CEP41: variants seen among roughly 807,000 people sequenced by gnomAD.
CEP41 encodes the protein centrosomal protein of 41 kDa.
CEP41 carries 32 observed loss-of-function variants against 44.3 expected under a neutral mutation model. The ratio of observed to expected loss-of-function variants is 0.72; its 90% CI spans 0.54 to 0.97. CEP41 has a LOEUF of 0.97. Among genes scored for constraint, CEP41 ranks in the 50% least tolerant of loss-of-function variants. The pLI, the probability that CEP41 is intolerant of heterozygous loss-of-function variation, is 0.00. For missense variants in CEP41, 432 were observed against 455.2 expected, an observed-to-expected ratio of 0.95 and a Z score of 0.46; for synonymous variants, 151 against 168.5, an observed-to-expected ratio of 0.90 and a Z score of 0.80.
intron 5 of CEP41, among the ~76,000 whole-genome samples, chr7:130,410,300 T>A (rs1471370842): frequency 6.6e-6 from 1 of 152,046 alleles, no homozygotes; most frequent in Non-Finnish European, 1.5e-5. Context: ...GTGCTGGGAT[T>A]ATGGGGGTGA....
In CEP41 at chr7:130,400,715, A is replaced by C; in HGVS notation, c.749T>G (p.Leu250Arg). The C allele has an allele frequency of 8.1e-6, 13 of 1,609,132 alleles. No homozygotes were observed. Among genetic ancestry groups the C allele is most frequent in the Non-Finnish European group, 9.4e-6 (11 of 1,176,126 alleles). The stretch of plus-strand genomic sequence containing the variant: ...AGTATCACCTTGCTCACCTCCGGAA[A>C]GCATGAAGAGGTTTTCAAATCCACG... ...CERGFENLFM[L>R]SGGLKVLAQK... Residue 250 changes from leucine (L) to arginine (R), a missense_variant, in exon 9 of 11, where the codon CTT becomes CGT. Physicochemically the swap from Leu to Arg is moderately radical, Grantham distance 102 (BLOSUM62 -2). Coordinates refer to ENST00000223208, the MANE Select transcript of CEP41 (RefSeq NM_018718.3).
upstream of CEP41, chr7:130,441,230 C>G: frequency 1.6e-6 from 1 of 619,212 alleles, no homozygotes; most frequent in East Asian, 3.0e-5. Flanking sequence ...CTCGCCGGCT[C>G]CAGCCTTAGG....
At chr7:130,440,623 T>C in intron 1 of CEP41, 1 of 558,852 alleles carries the variant, frequency 1.8e-6, no homozygotes, top group Non-Finnish European at 3.2e-6. Flanking sequence ...GTCTTTTCTG[T>C]TTTGTAACTG....
At chr7:130,440,678 T>C (rs1798122567) in intron 1 of CEP41, 2 of 601,804 alleles carry the variant, frequency 3.3e-6, no homozygotes, top group Non-Finnish European at 5.9e-6. Flanking sequence ...GCTGTGTCTT[T>C]GGGTACTTCG....
At chr7:130,434,356 T>A (rs12668161) in intron 1 of CEP41, among the ~76,000 whole-genome samples, 29,195 of 152,038 alleles carry the variant, frequency 0.19, 2,812 homozygotes, top group African/African-American at 0.21. Context: ...ATATTTTTTT[T>A]AAAATTGCTT....
rs1554415107 is a variant in CEP41, at chr7:130,397,328, T to C, written c.*1563A>G. The C allele has an allele frequency of 8.8e-6, 4 of 454,382 alleles. No homozygotes were observed. Among genetic ancestry groups the C allele is most frequent in the South Asian group, 3.1e-5 (2 of 64,474 alleles). The allele number at this position is 454,382 out of a possible 1,614,324, so 28.1% of individuals were successfully genotyped here. On this transcript the variant is annotated 3_prime_UTR_variant, in exon 11 of 11. Coordinates refer to ENST00000223208, the MANE Select transcript of CEP41 (RefSeq NM_018718.3). ...CATCTGAACAATGTCCCTGGTTTGT[T>C]TGATTTCTAAAGCATCGGAAAATGT...
intron 2 of CEP41, chr7:130,420,268 T>A (rs553243316): frequency 6.7e-6 from 1 of 148,156 alleles, no homozygotes; most frequent in African/African-American, 2.6e-5. Context: ...AAGGGGAGGT[T>A]GCAGTGAGCA....
At chr7:130,428,166 G>C (rs1797719029) in intron 1 of CEP41, 148 bp from the exon 2 acceptor site, 1 of 670,440 alleles carries the variant, frequency 1.5e-6, no homozygotes. Context: ...GCTCACGCCT[G>C]TAATCCTAAC....
rs1554413665 is a variant in CEP41 at position 130,394,357 on chromosome 7, T to A, written c.*4534A>T. 2.2e-6 allele frequency: 1 copy of A among 454,022 alleles called. No homozygotes were observed. 28.1% of individuals were successfully genotyped at this position (454,022 alleles called of 1,614,324 possible). A position where few individuals can be genotyped will look rare whatever the true frequency, so the allele number is the denominator to read the frequency against. On this transcript the variant is annotated 3_prime_UTR_variant, in exon 11 of 11. Coordinates refer to ENST00000223208, the MANE Select transcript of CEP41 (RefSeq NM_018718.3). The stretch of plus-strand genomic sequence containing the variant: ...TGCCTCATCAGACTGTTGTGGAAAT[T>A]AAATGGGTCAAAACATATAATGAAG...
At chr7:130,428,896 G>A (rs1263631290) in intron 1 of CEP41, among the ~76,000 whole-genome samples, 2 of 151,710 alleles carry the variant, frequency 1.3e-5, no homozygotes, top group African/African-American at 4.8e-5. Flanking sequence ...GGGTGACAGA[G>A]TGAGACTCTG....
In CEP41 at chr7:130,393,914, C is replaced by G. The variant is rs782763489; in HGVS notation, c.*4977G>C. 7 of 453,932 alleles carry G rather than the reference C, an allele frequency of 1.5e-5. No individual in the cohort carries two copies. In the Middle Eastern group the frequency reaches 2.0e-3, roughly 133 times the overall value. 28.1% of individuals were successfully genotyped at this position (453,932 alleles called of 1,614,324 possible). A position where few individuals can be genotyped will look rare whatever the true frequency, so the allele number is the denominator to read the frequency against. Reference sequence around the variant, plus strand: ...AGGTGTCCATTAACAGACAAAATAACCTCGGAAGCCCTGGAGCACCTGTCT... The same window carrying G: ...AGGTGTCCATTAACAGACAAAATAAGCTCGGAAGCCCTGGAGCACCTGTCT... On this transcript the variant is annotated 3_prime_UTR_variant, in exon 11 of 11. Transcript: ENST00000223208.
intron 1 of CEP41, chr7:130,440,644 AC>A: frequency 1.7e-6 from 1 of 582,404 alleles, no homozygotes; most frequent in East Asian, 2.9e-5. Flanking sequence ...TCACTCCGAG[AC>A]TGTAAGCCAT....
In CEP41 at chr7:130,411,129, C is replaced by A; in HGVS notation, c.270G>T (p.Arg90Ser). Residue 90 changes from arginine to serine, a missense_variant, in exon 5 of 11, where the codon AGG becomes AGT. Transcript: ENST00000223208. ...TLEVTAEEIQ[R>S]LEDNDSAASD... ...ACCCTCAATTCTCATTACCTTCCAGCCTTTGAATCTCCTCAGCTGTCACTT... is the reference window on the plus strand; with the variant it reads ...ACCCTCAATTCTCATTACCTTCCAGACTTTGAATCTCCTCAGCTGTCACTT... 1 of 1,613,938 alleles carries A rather than the reference C, an allele frequency of 6.2e-7. No individual in the cohort carries two copies. The highest frequency in any genetic ancestry group is 8.5e-7 in the Non-Finnish European group (1 of 1,179,840).
rs1584882849 is a variant in CEP41, at chr7:130,411,952, G to A, written c.207+227C>T. 10 of 461,370 alleles carry A rather than the reference G, an allele frequency of 2.2e-5. No individual in the cohort carries two copies. The East Asian group carries it at 2.9e-4, about 13-fold the overall frequency. The allele number at this position is 461,370 out of a possible 1,614,324, so 28.6% of individuals were successfully genotyped here. Reference sequence around the variant, plus strand: ...CACAAGTTTAATGAATTAAAAGTAGGGCAAACATTTACTTTATAGAATTCT... The same window carrying A: ...CACAAGTTTAATGAATTAAAAGTAGAGCAAACATTTACTTTATAGAATTCT... On this transcript the variant is annotated intron_variant, in intron 4 of 10. Coordinates refer to ENST00000223208, the MANE Select transcript of CEP41 (RefSeq NM_018718.3).
chr7:130,426,003 A>G (rs533914529), intron 2 of CEP41, among the ~76,000 whole-genome samples: 1 of 152,334 alleles, frequency 6.6e-6, no homozygotes, highest in Admixed American at 6.5e-5. Flanking sequence ...GGGAGTAGAA[A>G]GTGGGTGTGG....
Position 130,398,283 on chromosome 7 carries a change from A to G in CEP41, c.*608T>C. 2.2e-6 allele frequency: 1 copy of G among 454,052 alleles called. No individual in the cohort carries two copies. Among genetic ancestry groups the G allele is most frequent in the South Asian group, 1.6e-5 (1 of 64,464 alleles). 28.1% of individuals were successfully genotyped at this position (454,052 alleles called of 1,614,324 possible). A position where few individuals can be genotyped will look rare whatever the true frequency, so the allele number is the denominator to read the frequency against. Reference sequence around the variant, plus strand: ...TGTACAGCTACTTTCCTCATCTTCAATTTCAGTGAGTACACAGGCACTGGC... The same window carrying G: ...TGTACAGCTACTTTCCTCATCTTCAGTTTCAGTGAGTACACAGGCACTGGC... On this transcript the variant is annotated 3_prime_UTR_variant, in exon 11 of 11. Transcript: ENST00000223208.
chr7:130,440,608 CCTTT>C (rs1355493907), intron 1 of CEP41: 5 of 536,946 alleles, frequency 9.3e-6, no homozygotes, highest in Non-Finnish European at 3.4e-6. Flanking sequence ...TGCAGCGCTT[CCTTT>C]GTCTTTTCTG....
Position 130,441,005 on chromosome 7 carries a change from C to A in CEP41, c.-39G>T. 1 of 1,609,298 alleles carries A rather than the reference C, an allele frequency of 6.2e-7. No homozygotes were observed. Among genetic ancestry groups the A allele is most frequent in the Non-Finnish European group, 8.5e-7 (1 of 1,177,896 alleles). The stretch of plus-strand genomic sequence containing the variant: ...GACCACGTTCGGGGTTCTAGCCTCA[C>A]GGGTTGCCTCTAACCCTAGCTTCCT... On this transcript the variant is annotated 5_prime_UTR_variant, in exon 1 of 11. Coordinates refer to ENST00000223208, the MANE Select transcript of CEP41 (RefSeq NM_018718.3).
chr7:130,430,279 G>A (rs903975818), intron 1 of CEP41, among the ~76,000 whole-genome samples: 2 of 151,680 alleles, frequency 1.3e-5, no homozygotes, highest in Non-Finnish European at 2.9e-5. Context: ...TAACATCTAA[G>A]GGGAAAAAAA....
Sources: allele counts gnomAD v4.1 joint callset (sites outside exome capture counted in the v4.1 genomes callset), GRCh38; gene constraint gnomAD v4.1.1; transcripts MANE v1.5; gene names NCBI Gene and HGNC (gene_info 2026-07-23, HGNC 2026-07-21).